TTC39C: variants seen among roughly 807,000 people sequenced by gnomAD.
The protein encoded by TTC39C is tetratricopeptide repeat domain 39C.
A neutral mutation model predicts 76.3 loss-of-function variants in TTC39C; 33 were observed. The observed-to-expected ratio is 0.43, with a 90% CI of 0.33 to 0.58. TTC39C has a LOEUF of 0.58. TTC39C is among the 20% of genes least tolerant of loss of function. The pLI is 0.04. For missense variants in TTC39C, 595 were observed against 701.4 expected (o/e 0.85, Z 1.71); for synonymous variants, 254 against 260.6 (o/e 0.97, Z 0.24).
chr18:24,083,428 T>C (rs2084401898), intron 6 of TTC39C, among the ~76,000 whole-genome samples: 2 of 152,360 alleles, frequency 1.3e-5, no homozygotes, highest in Middle Eastern at 3.4e-3. Context: ...TAATAATCTC[T>C]TTCTAAACTT....
At chr18:24,098,395 TCCCTCCCTCCCTCCCTCC>T (rs2084618782) in intron 6 of TTC39C, among the ~76,000 whole-genome samples, 1 of 57,914 alleles carries the variant, frequency 1.7e-5, no homozygotes, top group Non-Finnish European at 3.5e-5. Context: ...CCTCCCTCCC[TCCCTCCCTCCCTCCCTCC>T]CTCCTTCCTT....
chr18:24,014,768 G>C lies in TTC39C; in HGVS notation c.-104G>C. 8.6e-7 allele frequency: 1 copy of C among 1,159,320 alleles called. No homozygotes were observed. The highest frequency in any genetic ancestry group is 1.6e-5 in the African/African-American group (1 of 61,054). 71.8% of individuals were successfully genotyped at this position (1,159,320 alleles called of 1,614,324 possible). ...TCCCCTCCCCTCCCCTCCCCTCCCG[G>C]CTCCGCTTGGCTCCGGGCAGGTAGA... On this transcript the variant is annotated 5_prime_UTR_variant, in exon 1 of 14. Transcript: ENST00000317571.
intron 1 of TTC39C, among the ~76,000 whole-genome samples, chr18:24,029,456 A>G (rs1433091085): frequency 2.0e-5 from 3 of 152,262 alleles, no homozygotes; most frequent in East Asian, 1.9e-4. Flanking sequence ...TATGCCACAT[A>G]TAATAGAGGA....
At position 24,014,836 on chromosome 18, in the gene TTC39C, A is replaced by G. The variant is rs564295939; in HGVS notation, c.-36A>G. On this transcript the variant is annotated 5_prime_UTR_variant, in exon 1 of 14. Transcript: ENST00000317571. ...CGCGGGGCCGCAGCAGCTGCTCCCGATCTCGCCTCGGCCCAGCGCAGGGCC... is the reference window on the plus strand; with the variant it reads ...CGCGGGGCCGCAGCAGCTGCTCCCGGTCTCGCCTCGGCCCAGCGCAGGGCC... The G allele has an allele frequency of 2.3e-3, 2,865 of 1,219,510 alleles. 54 individuals are homozygous for G. The African/African-American group carries it at 0.043, about 18-fold the overall frequency. The allele number at this position is 1,219,510 out of a possible 1,614,324, so 75.5% of individuals were successfully genotyped here.
rs1381130568 is a variant in TTC39C, at chr18:24,103,942, T to TG, written c.985-10612_985-10611insG. Among the ~76,000 whole-genome samples the TG allele has an allele frequency of 9.4e-5, 14 of 149,478 alleles. No homozygotes were observed. The East Asian group carries it at 1.0e-3, about 11-fold the overall frequency. ...CACATTCTCTCTCTGTTTTTTTTTT[T>TG]TTTGTTTGAGACGGAGTCTTGTTCT... On this transcript the variant is annotated intron_variant, in intron 6 of 13. Transcript: ENST00000317571.
intron 6 of TTC39C, among the ~76,000 whole-genome samples, chr18:24,102,837 C>G (rs4581788): frequency 0.71 from 107,765 of 152,170 alleles, 38,991 homozygotes; most frequent in Middle Eastern, 0.86. Context: ...GGCCGGTGTG[C>G]TGGCTCACGC....
intron 1 of TTC39C, among the ~76,000 whole-genome samples, chr18:23,997,573 AAAG>A (rs1156440086): frequency 8.9e-5 from 13 of 146,776 alleles, no homozygotes; most frequent in African/African-American, 2.3e-4. Context: ...AAAAAAAAAA[AAAG>A]AGAAAGAAAG....
chr18:23,998,693 T>A (rs2083288541), intron 1 of TTC39C, among the ~76,000 whole-genome samples: 1 of 152,176 alleles, frequency 6.6e-6, no homozygotes, highest in African/African-American at 2.4e-5. Flanking sequence ...TATTTACACA[T>A]CCCTGAATAG....
At chr18:24,107,863 A>C (rs1412112020) in intron 6 of TTC39C, among the ~76,000 whole-genome samples, 3 of 146,370 alleles carry the variant, frequency 2.0e-5, no homozygotes, top group African/African-American at 7.6e-5. Context: ...GGCTCAAGCA[A>C]TCCTCCCACC....
chr18:24,045,194 G>C (rs1042641139), intron 1 of TTC39C, among the ~76,000 whole-genome samples: 1 of 151,204 alleles, frequency 6.6e-6, no homozygotes, highest in Non-Finnish European at 1.5e-5. Context: ...ACCTGAACCC[G>C]GGAGGTGGAG....
chr18:24,004,714 G>A (rs2083339065), intron 1 of TTC39C, among the ~76,000 whole-genome samples: 1 of 152,094 alleles, frequency 6.6e-6, no homozygotes, highest in African/African-American at 2.4e-5. Flanking sequence ...GCAAGGATGT[G>A]AGCATGATTT....
intron 10 of TTC39C, among the ~76,000 whole-genome samples, chr18:24,127,215 A>G (rs1346084045): frequency 1.3e-5 from 2 of 152,234 alleles, no homozygotes; most frequent in Non-Finnish European, 2.9e-5. Context: ...TCATTCCTCA[A>G]TGGTAAGCAG....
At chr18:24,106,243 G>A (rs1223310548) in intron 6 of TTC39C, among the ~76,000 whole-genome samples, 1 of 152,152 alleles carries the variant, frequency 6.6e-6, no homozygotes, top group Non-Finnish European at 1.5e-5. Flanking sequence ...AGGCAACTGG[G>A]CGTTTCTCTC....
chr18:24,111,910 T>G lies in TTC39C; in HGVS notation c.985-2644T>G, dbSNP rs553531874. Among the ~76,000 whole-genome samples, 30 of 9,068 alleles carry G rather than the reference T, an allele frequency of 3.3e-3. No homozygotes were observed. In the Admixed American group the frequency reaches 0.05, roughly 15 times the overall value. 5.9% of individuals were successfully genotyped at this position (9,068 alleles called of 152,430 possible). ...GAGCAAGACCCTATCTTTAAAAATATATATATATATATATTTTTTTTGGTG... is the reference window on the plus strand; with the variant it reads ...GAGCAAGACCCTATCTTTAAAAATAGATATATATATATATTTTTTTTGGTG... On this transcript the variant is annotated intron_variant, in intron 6 of 13. Transcript: ENST00000317571.
In TTC39C at chr18:24,113,432, C is replaced by T. The variant is rs566950101; in HGVS notation, c.985-1122C>T. ...CTGCAGCTTCTCCTCCAGGACCCTT[C>T]CAGCCCACCTGGCTGGCTGTGGGGA... On this transcript the variant is annotated intron_variant, in intron 6 of 13. Coordinates refer to ENST00000317571, the MANE Select transcript of TTC39C (RefSeq NM_001135993.2). The T allele has an allele frequency of 4.8e-4, 290 of 610,082 alleles. 2 individuals carry two copies. The South Asian group carries it at 5.5e-3, about 12-fold the overall frequency. 37.8% of individuals were successfully genotyped at this position (610,082 alleles called of 1,614,324 possible).
chr18:24,042,600 C>A (rs1422921086), intron 1 of TTC39C, among the ~76,000 whole-genome samples: 1 of 152,144 alleles, frequency 6.6e-6, no homozygotes, highest in Non-Finnish European at 1.5e-5. Context: ...TCTTTATACA[C>A]GTTTTTACGC....
Position 24,015,116 on chromosome 18 carries a change from C to T in TTC39C, c.167+78C>T, listed in dbSNP as rs148866167. The T allele has an allele frequency of 9.2e-3, 11,803 of 1,286,988 alleles. 164 individuals are homozygous for T. Among genetic ancestry groups the T allele is most frequent in the Middle Eastern group, 0.049 (243 of 4,950 alleles). The allele number at this position is 1,286,988 out of a possible 1,614,324, so 79.7% of individuals were successfully genotyped here. A position where few individuals can be genotyped will look rare whatever the true frequency, so the allele number is the denominator to read the frequency against. On this transcript the variant is annotated intron_variant, in intron 1 of 13. Coordinates refer to ENST00000317571, the MANE Select transcript of TTC39C (RefSeq NM_001135993.2). ...GCTCACGCGCCTCGACCTGCGGCCC[C>T]CGGGAGCCCCCTCCCCCTCCTGTCG...
chr18:24,111,743 A>T (rs1230464764), intron 6 of TTC39C, among the ~76,000 whole-genome samples: 1 of 150,940 alleles, frequency 6.6e-6, no homozygotes, highest in African/African-American at 2.4e-5. Context: ...AATATTAATT[A>T]AAAAAAAACT....
At chr18:24,051,251 C>G (rs2083945446) in intron 1 of TTC39C, among the ~76,000 whole-genome samples, 1 of 152,238 alleles carries the variant, frequency 6.6e-6, no homozygotes, top group Non-Finnish European at 1.5e-5. Context: ...AACAGCTTCA[C>G]TGATCTTGGT....
Sources: gnomAD v4.1 joint callset for allele counts (sites outside exome capture counted in the v4.1 genomes callset) on GRCh38, gnomAD v4.1.1 for gene constraint, MANE v1.5 for transcripts, NCBI Gene and HGNC (gene_info 2026-07-23, HGNC 2026-07-21) for gene names.